The following SMYD3 variants were observed in gnomAD, a reference collection of about 807,000 sequenced individuals.
The protein encoded by SMYD3 is histone-lysine N-methyltransferase SMYD3.
Under a neutral mutation model 57.7 loss-of-function variants are expected in SMYD3, and 36 were observed. That is an observed-to-expected ratio of 0.62 (90% confidence interval 0.48 to 0.82). SMYD3 has a LOEUF of 0.82. Ranked by LOEUF, SMYD3 falls within the 40% of genes least tolerant of loss-of-function variation. SMYD3 has a pLI of 0.00. For missense variants in SMYD3, 515 were observed against 538.8 expected, an observed-to-expected ratio of 0.96 and a Z score of 0.44; for synonymous variants, 211 against 195.0, an observed-to-expected ratio of 1.08 and a Z score of -0.68.
Position 246,248,631 on chromosome 1 carries a change from C to CTTGTTTTTTTTTTTTTTTT in SMYD3, c.531+78569_531+78570insAAAAAAAAAAAAAAAACAA, listed in dbSNP as rs1309872022. Reference sequence around the variant, plus strand: ...GGCCAGTTATGCAAAAGCTCTCTGACTTTCCTTTTTTTTTTTTTTTTTTTT... The same window carrying CTTGTTTTTTTTTTTTTTTT: ...GGCCAGTTATGCAAAAGCTCTCTGACTTGTTTTTTTTTTTTTTTTTTTCCTTTTTTTTTTTTTTTTTTTT... On this transcript the variant is annotated intron_variant, in intron 5 of 11. Coordinates refer to ENST00000490107, the MANE Select transcript of SMYD3 (RefSeq NM_001167740.2). Among the ~76,000 whole-genome samples, 13 of 119,236 alleles carry CTTGTTTTTTTTTTTTTTTT rather than the reference C, an allele frequency of 1.1e-4. 3 individuals carry two copies. The highest frequency in any genetic ancestry group is 2.7e-4 in the Admixed American group (3 of 10,944). 78.2% of individuals were successfully genotyped at this position (119,236 alleles called of 152,430 possible). A position where few individuals can be genotyped will look rare whatever the true frequency, so the allele number is the denominator to read the frequency against.
chr1:246,069,147 C>G (rs937153669), intron 5 of SMYD3, among the ~76,000 whole-genome samples: 4 of 152,186 alleles, frequency 2.6e-5, no homozygotes, highest in African/African-American at 9.7e-5. Context: ...GTCACACAGC[C>G]TGTCTGCTTC....
At chr1:246,289,263 G>C (rs1325299610) in intron 5 of SMYD3, among the ~76,000 whole-genome samples, 1 of 152,116 alleles carries the variant, frequency 6.6e-6, no homozygotes, top group Non-Finnish European at 1.5e-5. Flanking sequence ...TAATTCCCTA[G>C]AAGAATGCCA....
chr1:245,873,184 C>T (rs948565417), intron 8 of SMYD3, among the ~76,000 whole-genome samples: 1 of 152,218 alleles, frequency 6.6e-6, no homozygotes, highest in Non-Finnish European at 1.5e-5. Context: ...CACATGAATA[C>T]ATTTAGGAAG....
chr1:245,952,249 G>A lies in SMYD3; in HGVS notation c.532-22312C>T, dbSNP rs116210448. The stretch of plus-strand genomic sequence containing the variant: ...ATTAACCAAAGCATTATCAATAAAC[G>A]ACTAAAAAGCTGAAACGTAAGGATC... On this transcript the variant is annotated intron_variant, in intron 5 of 11. Coordinates refer to ENST00000490107, the MANE Select transcript of SMYD3 (RefSeq NM_001167740.2). 8.3e-3 allele frequency among the ~76,000 whole-genome samples: 1,267 copies of A among 152,080 alleles called. 19 individuals are homozygous for A. Among genetic ancestry groups the A allele is most frequent in the African/African-American group, 0.028 (1,182 of 41,490 alleles).
chr1:246,261,072 T>TC (rs1253747134), intron 5 of SMYD3, among the ~76,000 whole-genome samples: 82 of 146,420 alleles, frequency 5.6e-4, no homozygotes, highest in African/African-American at 2.0e-3. Flanking sequence ...TGTTGTTGTT[T>TC]ATTTGAGACG....
Position 245,942,873 on chromosome 1 carries a change from C to G in SMYD3, c.532-12936G>C, listed in dbSNP as rs528642360. On this transcript the variant is annotated intron_variant, in intron 5 of 11. Coordinates refer to ENST00000490107, the MANE Select transcript of SMYD3 (RefSeq NM_001167740.2). Reference sequence around the variant, plus strand: ...CTACATGGAAATTGAACAATGTGCTCCTGAATGACTCCTGGGTAAATAATG... The same window carrying G: ...CTACATGGAAATTGAACAATGTGCTGCTGAATGACTCCTGGGTAAATAATG... 1.1e-3 allele frequency among the ~76,000 whole-genome samples: 172 copies of G among 152,140 alleles called. 2 individuals are homozygous for G. Among genetic ancestry groups the G allele is most frequent in the Non-Finnish European group, 1.9e-3 (132 of 68,032 alleles).
chr1:246,183,472 G>A (rs2062585190), intron 5 of SMYD3, among the ~76,000 whole-genome samples: 1 of 151,402 alleles, frequency 6.6e-6, no homozygotes, highest in African/African-American at 2.4e-5. Context: ...GTCAGAACAA[G>A]GTTAAGAAGA....
At position 246,146,939 on chromosome 1, in the gene SMYD3, G is replaced by A. The variant is rs113938047; in HGVS notation, c.531+180262C>T. ...CTGACACAGGGGCCTGCAGACGGTT[G>A]TGTGTGGCTTTTGGAGTTAGAGACA... is the stretch of plus-strand genomic sequence containing the variant. On this transcript the variant is annotated intron_variant, in intron 5 of 11. Coordinates refer to ENST00000490107, the MANE Select transcript of SMYD3 (RefSeq NM_001167740.2). Among the ~76,000 whole-genome samples the A allele has an allele frequency of 2.0e-5, 3 of 152,322 alleles. No individual in the cohort carries two copies. The South Asian group carries it at 6.2e-4, about 32-fold the overall frequency.
At chr1:245,821,080 C>T (rs1456821702) in intron 10 of SMYD3, among the ~76,000 whole-genome samples, 10 of 150,198 alleles carry the variant, frequency 6.7e-5, no homozygotes, top group Non-Finnish European at 7.4e-5. Context: ...AAAGAGCCTG[C>T]ATCTCCAAGT....
intron 5 of SMYD3, among the ~76,000 whole-genome samples, chr1:245,939,929 A>G (rs2057155976): frequency 6.6e-6 from 1 of 152,204 alleles, no homozygotes; most frequent in African/African-American, 2.4e-5. Flanking sequence ...AGAGAGAGGG[A>G]CAGCTGCAAT....
At chr1:245,895,251 G>A (rs1412594650) in intron 8 of SMYD3, among the ~76,000 whole-genome samples, 2 of 152,146 alleles carry the variant, frequency 1.3e-5, no homozygotes, top group Admixed American at 6.6e-5. Flanking sequence ...CAAGACACAG[G>A]TAACATACAG....
intron 1 of SMYD3, among the ~76,000 whole-genome samples, chr1:246,416,733 T>C (rs2067067970): frequency 6.6e-6 from 1 of 151,558 alleles, no homozygotes; most frequent in South Asian, 2.1e-4. Flanking sequence ...TGCTGGGCAC[T>C]TCCGAATTTT....
At chr1:246,181,655 T>G (rs1464083682) in intron 5 of SMYD3, among the ~76,000 whole-genome samples, 2 of 152,284 alleles carry the variant, frequency 1.3e-5, no homozygotes, top group Non-Finnish European at 2.9e-5. Flanking sequence ...AGAAATAAAT[T>G]CAGTTACTGA....
chr1:246,082,189 G>T (rs2060647680), intron 5 of SMYD3, among the ~76,000 whole-genome samples: 2 of 152,146 alleles, frequency 1.3e-5, no homozygotes, highest in South Asian at 4.1e-4. Flanking sequence ...CTAATGAAAG[G>T]CCATAAGATT....
At chr1:246,119,333 T>C (rs1052773864) in intron 5 of SMYD3, among the ~76,000 whole-genome samples, 2 of 151,822 alleles carry the variant, frequency 1.3e-5, no homozygotes, top group Non-Finnish European at 2.9e-5. Context: ...AACTGTTGTA[T>C]CTTTCTGCCA....
intron 5 of SMYD3, among the ~76,000 whole-genome samples, chr1:246,186,051 G>A (rs930839072): frequency 6.6e-6 from 1 of 152,048 alleles, no homozygotes. Flanking sequence ...AGGAAAACCA[G>A]AGCTCAGTAC....
chr1:246,147,821 C>T (rs951810565), intron 5 of SMYD3, among the ~76,000 whole-genome samples: 2 of 152,018 alleles, frequency 1.3e-5, no homozygotes, highest in African/African-American at 4.8e-5. Flanking sequence ...AGAGGGAGCC[C>T]CACCTTTACT....
At position 246,320,861 on chromosome 1, in the gene SMYD3, T is replaced by C. The variant is rs771426934; in HGVS notation, c.531+6340A>G. Among the ~76,000 whole-genome samples the C allele has an allele frequency of 3.9e-5, 6 of 152,302 alleles. No homozygotes were observed. The East Asian group carries it at 1.2e-3, about 29-fold the overall frequency. On this transcript the variant is annotated intron_variant, in intron 5 of 11. Coordinates refer to ENST00000490107, the MANE Select transcript of SMYD3 (RefSeq NM_001167740.2). ...TAAGGGATAGAATAGAGAAATACAA[T>C]ACATTCCATGGCGTTTCAATTAATT...
chr1:246,090,955 C>G (rs980729694), intron 5 of SMYD3, among the ~76,000 whole-genome samples: 1 of 152,158 alleles, frequency 6.6e-6, no homozygotes. Flanking sequence ...GGAACCTCGT[C>G]GGGGAAACCA....
Sources: allele counts gnomAD v4.1 joint callset (sites outside exome capture counted in the v4.1 genomes callset), GRCh38; gene constraint gnomAD v4.1.1; transcripts MANE v1.5; gene names NCBI Gene and HGNC (gene_info 2026-07-23, HGNC 2026-07-21).